PTPRD: variants seen among roughly 807,000 people sequenced by gnomAD.
The protein encoded by PTPRD is protein tyrosine phosphatase receptor type D.
A neutral mutation model predicts 214.5 loss-of-function variants in PTPRD; 34 were observed. The observed-to-expected ratio is 0.16, with a 90% CI of 0.12 to 0.21. The LOEUF (loss-of-function observed/expected upper bound fraction) is 0.21. PTPRD is among the 10% of genes least tolerant of loss of function. The pLI, the probability that PTPRD is intolerant of heterozygous loss-of-function variation, is 1.00. For synonymous variants in PTPRD, 1,128 were observed against 845.7 expected (o/e 1.33, Z -5.79); for missense variants, 2,545 against 2,398.7 (o/e 1.06, Z -1.27).
At chr9:9,428,117 C>A (rs908979943) in intron 8 of PTPRD, among the ~76,000 whole-genome samples, 2 of 151,996 alleles carry the variant, frequency 1.3e-5, no homozygotes, top group Admixed American at 1.3e-4. Context: ...CACAGACTGG[C>A]AAATTGGATA....
At chr9:9,073,238 G>A (rs1442373274) in intron 10 of PTPRD, among the ~76,000 whole-genome samples, 2 of 152,126 alleles carry the variant, frequency 1.3e-5, no homozygotes, top group African/African-American at 4.8e-5. Flanking sequence ...ACTGTGCAAG[G>A]CATTGTTACA....
intron 11 of PTPRD, among the ~76,000 whole-genome samples, chr9:8,986,562 AAT>A (rs1403986228): frequency 6.6e-6 from 1 of 151,970 alleles, no homozygotes; most frequent in Non-Finnish European, 1.5e-5. Context: ...ATTTAAAATA[AAT>A]ATATAGAGTT....
chr9:10,449,196 C>T (rs939084263), intron 2 of PTPRD, among the ~76,000 whole-genome samples: 3 of 151,964 alleles, frequency 2.0e-5, no homozygotes, highest in South Asian at 2.1e-4. Flanking sequence ...GGTGCCGCCA[C>T]GCCTGACTGG....
intron 7 of PTPRD, among the ~76,000 whole-genome samples, chr9:9,610,370 A>T (rs201554724): frequency 1.3e-5 from 2 of 152,356 alleles, no homozygotes; most frequent in East Asian, 1.9e-4. Flanking sequence ...TTATATTATA[A>T]AGAGAATTAA....
intron 37 of PTPRD, among the ~76,000 whole-genome samples, chr9:8,380,404 A>G (rs528015482): frequency 1.3e-5 from 2 of 152,316 alleles, no homozygotes; most frequent in South Asian, 4.1e-4. Context: ...AAAGAAGAAC[A>G]GCAGAACTTG....
intron 7 of PTPRD, among the ~76,000 whole-genome samples, chr9:9,732,413 G>A (rs1362211152): frequency 6.6e-6 from 1 of 152,080 alleles, no homozygotes; most frequent in Non-Finnish European, 1.5e-5. Context: ...ATTAAGAATG[G>A]ATTTGAAATA....
intron 9 of PTPRD, among the ~76,000 whole-genome samples, chr9:9,295,200 G>C (rs995833514): frequency 3.3e-5 from 5 of 151,608 alleles, no homozygotes; most frequent in African/African-American, 9.7e-5. Flanking sequence ...AACAAATAAA[G>C]TAAAAGTTAC....
intron 7 of PTPRD, among the ~76,000 whole-genome samples, chr9:9,713,001 C>A (rs1009169485): frequency 1.3e-5 from 2 of 152,170 alleles, no homozygotes; most frequent in African/African-American, 4.8e-5. Context: ...GTTTAACTTT[C>A]TGTAATCCCT....
intron 10 of PTPRD, among the ~76,000 whole-genome samples, chr9:9,087,601 AC>A (rs769202140): frequency 1.2e-4 from 18 of 152,294 alleles, no homozygotes; most frequent in Non-Finnish European, 1.9e-4. Flanking sequence ...CAGATAAGTT[AC>A]TTACATTGTG....
At chr9:10,096,833 G>A (rs1433199563) in intron 3 of PTPRD, among the ~76,000 whole-genome samples, 2 of 151,968 alleles carry the variant, frequency 1.3e-5, no homozygotes, top group Non-Finnish European at 2.9e-5. Context: ...GTCCTGAATG[G>A]TAATGCCTAG....
At chr9:9,792,254 T>G (rs1305305260) in intron 5 of PTPRD, among the ~76,000 whole-genome samples, 3 of 152,142 alleles carry the variant, frequency 2.0e-5, no homozygotes, top group Admixed American at 6.6e-5. Flanking sequence ...TGCATGTTAT[T>G]TAATGCTGTT....
chr9:9,600,653 G>A (rs1392880659), intron 7 of PTPRD, among the ~76,000 whole-genome samples: 2 of 152,050 alleles, frequency 1.3e-5, no homozygotes, highest in Non-Finnish European at 2.9e-5. Context: ...ACTGTTTTGT[G>A]AGTTCCCTTT....
At chr9:10,390,039 T>C (rs2098024023) in intron 2 of PTPRD, among the ~76,000 whole-genome samples, 1 of 151,846 alleles carries the variant, frequency 6.6e-6, no homozygotes. Flanking sequence ...TAGATGACTT[T>C]ACATGGCTCA....
intron 3 of PTPRD, among the ~76,000 whole-genome samples, chr9:10,333,515 C>T (rs2096789909): frequency 6.6e-6 from 1 of 151,674 alleles, no homozygotes; most frequent in Non-Finnish European, 1.5e-5. Flanking sequence ...AATTGGCTGC[C>T]CTGAAGAAGT....
At chr9:8,966,111 C>T (rs1368591370) in intron 11 of PTPRD, among the ~76,000 whole-genome samples, 1 of 151,962 alleles carries the variant, frequency 6.6e-6, no homozygotes, top group Non-Finnish European at 1.5e-5. Flanking sequence ...CAGAATACTG[C>T]TAAAAGGCAT....
chr9:9,277,324 T>C (rs1294465466), intron 9 of PTPRD, among the ~76,000 whole-genome samples: 1 of 151,364 alleles, frequency 6.6e-6, no homozygotes, highest in Non-Finnish European at 1.5e-5. Context: ...TTTAGGAAGC[T>C]TCATATATTC....
At chr9:10,098,351 G>C (rs1034602532) in intron 3 of PTPRD, among the ~76,000 whole-genome samples, 1 of 146,818 alleles carries the variant, frequency 6.8e-6, no homozygotes, top group Non-Finnish European at 1.5e-5. Context: ...TGTGGGGTTG[G>C]GGGAGGGGGG....
intron 3 of PTPRD, among the ~76,000 whole-genome samples, chr9:10,043,892 T>G (rs1483423725): frequency 1.3e-5 from 2 of 151,870 alleles, no homozygotes; most frequent in Non-Finnish European, 2.9e-5. Context: ...AAACAAGTAT[T>G]TTGATCATAA....
chr9:9,299,733 T>G (rs1163189017), intron 9 of PTPRD, among the ~76,000 whole-genome samples: 1 of 151,506 alleles, frequency 6.6e-6, no homozygotes, highest in Admixed American at 6.6e-5. Flanking sequence ...TTCTCCATTT[T>G]ATGTTTATAA....
Sources: allele counts gnomAD v4.1 joint callset (sites outside exome capture counted in the v4.1 genomes callset), GRCh38; gene constraint gnomAD v4.1.1; transcripts MANE v1.5; gene names NCBI Gene and HGNC (gene_info 2026-07-23, HGNC 2026-07-21).